BCAS4: variants seen among roughly 807,000 people sequenced by gnomAD.
The protein encoded by BCAS4 is breast carcinoma-amplified sequence 4.
In BCAS4, 9 loss-of-function variants were observed where a neutral mutation model predicts 15.7. That is an observed-to-expected ratio of 0.57 (90% CI 0.34 to 1.00). The LOEUF is 1.00. Among genes scored for constraint, BCAS4 ranks in the 50% least tolerant of loss-of-function variants. BCAS4 has a pLI of 0.02. For synonymous variants in BCAS4, 101 were observed against 99.5 expected (o/e 1.02, Z -0.09); for missense variants, 225 against 239.1 (o/e 0.94, Z 0.39).
chr20:50,867,826 A>C (rs1039903111), intron 4 of BCAS4, among the ~76,000 whole-genome samples: 5 of 152,178 alleles, frequency 3.3e-5, no homozygotes, highest in South Asian at 4.1e-4. Flanking sequence ...AGGCATGAGA[A>C]TCATTTGAAC....
chr20:50,845,244 C>A (rs1207937253), intron 4 of BCAS4, among the ~76,000 whole-genome samples: 1 of 152,088 alleles, frequency 6.6e-6, no homozygotes, highest in Non-Finnish European at 1.5e-5. Context: ...GTGCCCTGCA[C>A]CCCATTGGTC....
At chr20:50,880,772 G>T (rs1980104171), downstream of BCAS4, 3 of 152,220 alleles carry the variant, frequency 2.0e-5, no homozygotes, top group South Asian at 6.2e-4. Flanking sequence ...AGGTTTCAAG[G>T]TAGCAGCCCA....
chr20:50,797,480 A>G (rs1435944171), intron 1 of BCAS4, among the ~76,000 whole-genome samples: 3 of 152,168 alleles, frequency 2.0e-5, no homozygotes, highest in African/African-American at 4.8e-5. Flanking sequence ...GGATCACTTG[A>G]GACCAGGAGT....
At chr20:50,807,496 T>G (rs2088006378) in intron 1 of BCAS4, among the ~76,000 whole-genome samples, 1 of 152,316 alleles carries the variant, frequency 6.6e-6, no homozygotes, top group South Asian at 2.1e-4. Context: ...ACCTGGACTT[T>G]ACGTTATTTT....
intron 4 of BCAS4, among the ~76,000 whole-genome samples, 168 bp downstream of exon 4, chr20:50,842,068 T>C (rs6063570): frequency 0.2 from 30,311 of 152,158 alleles, 3,481 homozygotes; most frequent in African/African-American, 0.32. Context: ...CTCTGTCCCC[T>C]GTGAGCCCTG....
At chr20:50,858,421 G>T (rs889683095) in intron 4 of BCAS4, among the ~76,000 whole-genome samples, 26 of 152,170 alleles carry the variant, frequency 1.7e-4, no homozygotes, top group African/African-American at 6.0e-4. Context: ...GGCCAACATG[G>T]TGAAACCCTG....
intron 4 of BCAS4, among the ~76,000 whole-genome samples, chr20:50,844,168 G>C (rs1282122807): frequency 1.3e-5 from 2 of 151,826 alleles, no homozygotes; most frequent in Admixed American, 1.3e-4. Flanking sequence ...GCACATTAGG[G>C]GCCAGATGTG....
chr20:50,820,473 CG>C (rs1052179797), intron 2 of BCAS4, among the ~76,000 whole-genome samples: 1 of 152,024 alleles, frequency 6.6e-6, no homozygotes, highest in Admixed American at 6.6e-5. Flanking sequence ...TGTGCAAAGG[CG>C]GGGAGGCCAG....
At chr20:50,841,684 T>A in intron 3 of BCAS4, 82 bp from the exon 4 acceptor site, 6 of 1,582,462 alleles carry the variant, frequency 3.8e-6, no homozygotes, top group Non-Finnish European at 5.2e-6. Context: ...AGGCCTGGAG[T>A]CCCCACCAGC....
At chr20:50,877,731 A>G (rs2208519), downstream of BCAS4, 78,053 of 152,018 alleles carry the variant, frequency 0.51, 23,167 homozygotes, top group African/African-American at 0.83. Context: ...CCCACACCCC[A>G]AAAAAGTTTT....
At chr20:50,823,266 G>A (rs756751345) in intron 2 of BCAS4, among the ~76,000 whole-genome samples, 50 of 151,852 alleles carry the variant, frequency 3.3e-4, no homozygotes, top group Non-Finnish European at 1.3e-4. Flanking sequence ...CTTGAACCCG[G>A]GAGGCGGAAG....
At chr20:50,807,276 C>T (rs1166397815) in intron 1 of BCAS4, among the ~76,000 whole-genome samples, 1 of 152,136 alleles carries the variant, frequency 6.6e-6, no homozygotes, top group Admixed American at 6.5e-5. Flanking sequence ...TCACTGCACC[C>T]TCCGCTTCCT....
At chr20:50,864,770 T>A (rs886926951) in intron 4 of BCAS4, among the ~76,000 whole-genome samples, 1 of 152,172 alleles carries the variant, frequency 6.6e-6, no homozygotes, top group African/African-American at 2.4e-5. Flanking sequence ...ACTTTGCATC[T>A]GCCGCCTTCT....
intron 1 of BCAS4, among the ~76,000 whole-genome samples, chr20:50,815,402 C>T (rs994235088): frequency 4.6e-5 from 7 of 152,206 alleles, no homozygotes; most frequent in African/African-American, 1.7e-4. Context: ...AGGATCTCTC[C>T]ATCACCCGCT....
intron 2 of BCAS4, among the ~76,000 whole-genome samples, chr20:50,823,045 T>C (rs1477812349): frequency 6.6e-6 from 1 of 151,902 alleles, no homozygotes; most frequent in Non-Finnish European, 1.5e-5. Flanking sequence ...CAAATGTTCA[T>C]AGAAGCCTTA....
At chr20:50,810,440 A>G (rs1374852513) in intron 1 of BCAS4, among the ~76,000 whole-genome samples, 2 of 152,124 alleles carry the variant, frequency 1.3e-5, no homozygotes, top group African/African-American at 4.8e-5. Context: ...TTGAAACACA[A>G]GTACCTATTA....
At chr20:50,877,423 C>T (rs1980012125), downstream of BCAS4, 3 of 152,188 alleles carry the variant, frequency 2.0e-5, no homozygotes, top group African/African-American at 4.8e-5. Context: ...GATGAGTTTC[C>T]TGCTATTGTC....
At chr20:50,821,216 C>T (rs1363270451) in intron 2 of BCAS4, among the ~76,000 whole-genome samples, 1 of 152,226 alleles carries the variant, frequency 6.6e-6, no homozygotes, top group African/African-American at 2.4e-5. Flanking sequence ...AAAGTAAAGC[C>T]AGACCAAGAG....
At chr20:50,876,182 C>T (rs1979929690) in intron 4 of BCAS4, 3 of 390,862 alleles carry the variant, frequency 7.7e-6, no homozygotes, top group South Asian at 6.1e-5. Flanking sequence ...AACTCTTGAC[C>T]TCAAGTGATC....
Sources: gnomAD v4.1 joint callset for allele counts (sites outside exome capture counted in the v4.1 genomes callset) on GRCh38, gnomAD v4.1.1 for gene constraint, MANE v1.5 for transcripts, NCBI Gene and HGNC (gene_info 2026-07-23, HGNC 2026-07-21) for gene names.